Variants in SERINC5 observed in about 807,000 individuals in gnomAD.
SERINC5 encodes serine incorporator 5.
A neutral mutation model predicts 63.1 loss-of-function variants in SERINC5; 41 were observed. The observed-to-expected ratio is 0.65, with a 90% CI of 0.51 to 0.84. The LOEUF (loss-of-function observed/expected upper bound fraction) is 0.84. Among genes scored for constraint, SERINC5 ranks in the 40% least tolerant of loss-of-function variants. SERINC5 has a pLI of 0.00. For synonymous variants in SERINC5, 222 were observed against 215.2 expected (o/e 1.03, Z -0.28); for missense variants, 523 against 573.0 (o/e 0.91, Z 0.89).
chr5:80,251,029 G>A (rs577042202), intron 1 of SERINC5, among the ~76,000 whole-genome samples: 2 of 152,254 alleles, frequency 1.3e-5, no homozygotes, highest in East Asian at 3.9e-4. Context: ...AGTTCCTGGT[G>A]GCATTCAAGG....
intron 1 of SERINC5, among the ~76,000 whole-genome samples, chr5:80,238,103 C>CAAAAAA (rs759062486): frequency 1.4e-4 from 9 of 65,500 alleles, no homozygotes; most frequent in Admixed American, 3.5e-4. Context: ...GACTCTGTCT[C>CAAAAAA]AAAAAAAAAA....
chr5:80,223,321 T>C (rs1345598898), intron 1 of SERINC5, among the ~76,000 whole-genome samples: 1 of 152,336 alleles, frequency 6.6e-6, no homozygotes, highest in African/African-American at 2.4e-5. Context: ...TCTATGCATA[T>C]CCTCCTATAT....
intron 1 of SERINC5, among the ~76,000 whole-genome samples, chr5:80,206,847 T>C (rs574000500): frequency 4.9e-4 from 71 of 143,654 alleles, no homozygotes; most frequent in African/African-American, 1.8e-3. Context: ...CAGAGTTTCA[T>C]TGTGTTACAC....
At chr5:80,131,997 G>A (rs527800364) in intron 11 of SERINC5, among the ~76,000 whole-genome samples, 3 of 152,150 alleles carry the variant, frequency 2.0e-5, no homozygotes, top group African/African-American at 7.2e-5. Flanking sequence ...AGAAAGATAC[G>A]TAGAAGAGAA....
chr5:80,112,924 A>T (rs1172541166), intron 12 of SERINC5, among the ~76,000 whole-genome samples: 1 of 152,208 alleles, frequency 6.6e-6, no homozygotes, highest in East Asian at 1.9e-4. Flanking sequence ...TGATCGCACC[A>T]CTGCACTCCA....
intron 7 of SERINC5, among the ~76,000 whole-genome samples, chr5:80,163,259 T>C (rs1039791686): frequency 4.6e-5 from 7 of 152,188 alleles, no homozygotes; most frequent in African/African-American, 1.2e-4. Flanking sequence ...GTTTTCTAGA[T>C]ATAGAATCAC....
intron 1 of SERINC5, among the ~76,000 whole-genome samples, chr5:80,244,094 T>C (rs1752061211): frequency 6.6e-6 from 1 of 152,160 alleles, no homozygotes; most frequent in African/African-American, 2.4e-5. Flanking sequence ...CTTTAGGCTC[T>C]TAATCTGTGC....
chr5:80,178,673 G>A (rs1478456424), intron 2 of SERINC5, among the ~76,000 whole-genome samples: 1 of 147,146 alleles, frequency 6.8e-6, no homozygotes, highest in Non-Finnish European at 1.5e-5. Flanking sequence ...ATGAACCACT[G>A]CACCTGGCCT....
At position 80,146,254 on chromosome 5, in the gene SERINC5, C is replaced by A. The variant is rs1745818602; in HGVS notation, c.1094-20G>T. On this transcript the variant is annotated intron_variant, in intron 10 of 11. Coordinates refer to ENST00000507668, the MANE Select transcript of SERINC5 (RefSeq NM_001174072.3). ...CAGTGTCTGTGAAGCACAGAGGGAG[C>A]CCAGGCTCAATGAGTGAATGTGTGT... 1.2e-6 allele frequency: 2 copies of A among 1,613,268 alleles called. No individual in the cohort carries two copies. Among genetic ancestry groups the A allele is most frequent in the South Asian group, 2.2e-5 (2 of 91,040 alleles).
At chr5:80,155,572 C>CAAAAAAA (rs758862000) in intron 8 of SERINC5, among the ~76,000 whole-genome samples, 6 of 117,584 alleles carry the variant, frequency 5.1e-5, no homozygotes, top group African/African-American at 1.8e-4. Context: ...AACTCCGTCT[C>CAAAAAAA]AAAAAAAAAA....
intron 1 of SERINC5, among the ~76,000 whole-genome samples, chr5:80,250,511 T>C (rs1752362580): frequency 6.6e-6 from 1 of 152,164 alleles, no homozygotes; most frequent in South Asian, 2.1e-4. Flanking sequence ...CCAGTTAATT[T>C]TTATATTTTT....
chr5:80,130,410 A>G (rs1013753854), intron 11 of SERINC5, among the ~76,000 whole-genome samples: 8 of 152,058 alleles, frequency 5.3e-5, no homozygotes, highest in Non-Finnish European at 1.0e-4. Flanking sequence ...TTTAATTACT[A>G]AATATATTGC....
At position 80,193,863 on chromosome 5, in the gene SERINC5, C is replaced by T. The variant is rs114021777; in HGVS notation, c.195+9023G>A. Among the ~76,000 whole-genome samples, 1,252 of 152,234 alleles carry T rather than the reference C, an allele frequency of 8.2e-3. 12 individuals carry two copies. Among genetic ancestry groups the T allele is most frequent in the African/African-American group, 0.028 (1,165 of 41,522 alleles). On this transcript the variant is annotated intron_variant, in intron 2 of 11. Transcript: ENST00000507668. ...ATGTTATCTCCGGATGAAATTTAGA[C>T]CAAAAGATAAAACCGTTTGGAAACA...
chr5:80,159,073 A>G, intron 7 of SERINC5, 111 bp from the exon 8 acceptor site: 2 of 1,018,106 alleles, frequency 2.0e-6, no homozygotes, highest in Non-Finnish European at 2.9e-6. Context: ...TCCTTAGAAC[A>G]GTGAACACTT....
chr5:80,198,040 A>T (rs1241212543), intron 2 of SERINC5, among the ~76,000 whole-genome samples: 2 of 151,966 alleles, frequency 1.3e-5, no homozygotes, highest in Non-Finnish European at 2.9e-5. Flanking sequence ...GGGTTTCACC[A>T]TGTTGGTTAG....
intron 11 of SERINC5, chr5:80,116,368 C>T (rs1210662970): frequency 2.2e-6 from 1 of 456,028 alleles, no homozygotes; most frequent in Admixed American, 2.3e-5. Flanking sequence ...TGTTCCCTTC[C>T]TCTTCCTGGA....
At chr5:80,205,865 A>G (rs1750127416) in intron 1 of SERINC5, among the ~76,000 whole-genome samples, 2 of 152,010 alleles carry the variant, frequency 1.3e-5, no homozygotes, top group Admixed American at 1.3e-4. Flanking sequence ...CAGGAGATCA[A>G]GACCATGACC....
chr5:80,197,440 G>A (rs1343945924), intron 2 of SERINC5, among the ~76,000 whole-genome samples: 1 of 152,050 alleles, frequency 6.6e-6, no homozygotes, highest in Non-Finnish European at 1.5e-5. Flanking sequence ...AATCCACAGA[G>A]ACAAAATAGA....
At chr5:80,228,748 G>A (rs146622027) in intron 1 of SERINC5, among the ~76,000 whole-genome samples, 7 of 152,184 alleles carry the variant, frequency 4.6e-5, no homozygotes, top group African/African-American at 1.7e-4. Flanking sequence ...ATTTTAAGTT[G>A]CCTAAATTCT....
Sources: gnomAD v4.1 joint callset for allele counts (sites outside exome capture counted in the v4.1 genomes callset) on GRCh38, gnomAD v4.1.1 for gene constraint, MANE v1.5 for transcripts, NCBI Gene and HGNC (gene_info 2026-07-23, HGNC 2026-07-21) for gene names.